Variants in KBTBD3 observed in about 807,000 individuals in gnomAD.
The protein encoded by KBTBD3 is kelch repeat and BTB domain-containing protein 3.
KBTBD3 carries 38 observed loss-of-function variants against 49.6 expected under a neutral mutation model. The ratio of observed to expected loss-of-function variants is 0.77; its 90% CI spans 0.59 to 1.00. KBTBD3 has a LOEUF of 1.00. KBTBD3 is among the 50% of genes least tolerant of loss of function. The pLI, the probability that KBTBD3 is intolerant of heterozygous loss-of-function variation, is 0.00. For missense variants in KBTBD3, 661 were observed against 712.0 expected, an observed-to-expected ratio of 0.93 and a Z score of 0.81; for synonymous variants, 214 against 250.4, an observed-to-expected ratio of 0.85 and a Z score of 1.37.
chr11:106,069,887 T>C (rs1007898771), intron 2 of KBTBD3, among the ~76,000 whole-genome samples: 2 of 152,038 alleles, frequency 1.3e-5, no homozygotes, highest in African/African-American at 4.8e-5. Flanking sequence ...ATCAATACTG[T>C]GTAATATTAG....
chr11:106,072,962 T>A (rs568901363), intron 2 of KBTBD3, among the ~76,000 whole-genome samples: 1 of 152,298 alleles, frequency 6.6e-6, no homozygotes, highest in South Asian at 2.1e-4. Context: ...TACATTTTTA[T>A]AAGTACTGTG....
intron 2 of KBTBD3, among the ~76,000 whole-genome samples, chr11:106,068,869 T>A (rs1178341542): frequency 6.6e-6 from 1 of 152,212 alleles, no homozygotes; most frequent in Non-Finnish European, 1.5e-5. Context: ...CTAAGTAAGT[T>A]TATCTAAGGA....
At chr11:106,064,624 CA>C (rs1311880181) in intron 2 of KBTBD3, among the ~76,000 whole-genome samples, 1 of 152,094 alleles carries the variant, frequency 6.6e-6, no homozygotes, top group East Asian at 1.9e-4. Flanking sequence ...GATAAACAGA[CA>C]ATATGATTGA....
chr11:106,068,294 A>G (rs879370790), intron 2 of KBTBD3, among the ~76,000 whole-genome samples: 1 of 152,194 alleles, frequency 6.6e-6, no homozygotes, highest in Non-Finnish European at 1.5e-5. Flanking sequence ...CAGACTACAT[A>G]TTCTTTCACC....
At chr11:106,071,196 G>A (rs1860911335) in intron 2 of KBTBD3, among the ~76,000 whole-genome samples, 1 of 152,034 alleles carries the variant, frequency 6.6e-6, no homozygotes, top group Admixed American at 6.6e-5. Context: ...TATTTAATTG[G>A]TATAAAATCA....
intron 3 of KBTBD3, among the ~76,000 whole-genome samples, chr11:106,056,962 G>C (rs1427699283): frequency 1.3e-5 from 2 of 151,998 alleles, no homozygotes. Context: ...GGGCCCCAGG[G>C]AAGTTCAAAG....
At position 106,054,120 on chromosome 11, in the gene KBTBD3, A is replaced by G. The variant is rs143750183; in HGVS notation, c.569T>C (p.Phe190Ser). Residue 190 changes from phenylalanine (F) to serine (S), a missense_variant, in exon 4 of 4, where the codon TTC (phenylalanine) becomes TCC (serine). By Grantham distance (155) the Phe-to-Ser change is radical. Transcript: ENST00000531837. ...HFSLLFKSSD[F>S]LEMNFGVLQK... is the part of the protein sequence containing the mutation. ...TAGTACTCCAAAATTCATCTCTAAG[A>G]AATCACTGGATTTAAATAATAAAGA... The G allele has an allele frequency of 1.9e-6, 3 of 1,613,232 alleles. No homozygotes were observed. Among genetic ancestry groups the G allele is most frequent in the African/African-American group, 2.7e-5 (2 of 74,932 alleles).
chr11:106,058,857 TA>T lies in KBTBD3; in HGVS notation c.233+7del. 6.6e-7 allele frequency: 1 copy of T among 1,505,674 alleles called. No homozygotes were observed. 93.3% of individuals were successfully genotyped at this position (1,505,674 alleles called of 1,614,324 possible). A position where few individuals can be genotyped will look rare whatever the true frequency, so the allele number is the denominator to read the frequency against. On this transcript the variant is annotated splice_region_variant and intron_variant, in intron 3 of 3. Transcript: ENST00000531837. ...CATAAAATCTGAGGCATAGACAAGG[TA>T]AAGTACCTGAAAAAGTCACTGCATG...
chr11:106,056,436 A>G (rs1021560198), intron 3 of KBTBD3, among the ~76,000 whole-genome samples: 4 of 152,236 alleles, frequency 2.6e-5, no homozygotes, highest in Admixed American at 6.5e-5. Flanking sequence ...AATAGCATCA[A>G]GAAGAGTGCA....
At chr11:106,070,389 TTA>T (rs1462023780) in intron 2 of KBTBD3, among the ~76,000 whole-genome samples, 1 of 151,834 alleles carries the variant, frequency 6.6e-6, no homozygotes, top group Non-Finnish European at 1.5e-5. Context: ...ATCTGAAAAC[TTA>T]CCAGTAAAAA....
intron 3 of KBTBD3, 42 bp from the exon 4 acceptor site, chr11:106,054,497 ATTCCATAATTATT>A: frequency 7.1e-7 from 1 of 1,407,864 alleles, no homozygotes; most frequent in South Asian, 1.8e-5. Flanking sequence ...AGAATATTTT[ATTCCATAATTATT>A]TTCAATATTA....
intron 2 of KBTBD3, among the ~76,000 whole-genome samples, chr11:106,065,535 A>G (rs915703732): frequency 1.3e-5 from 2 of 152,224 alleles, no homozygotes; most frequent in African/African-American, 4.8e-5. Flanking sequence ...TCAAGTATGA[A>G]GTTGTCACCT....
intron 3 of KBTBD3, among the ~76,000 whole-genome samples, chr11:106,055,815 G>A (rs916631360): frequency 6.6e-6 from 1 of 152,030 alleles, no homozygotes; most frequent in African/African-American, 2.4e-5. Context: ...GCTTTTATTG[G>A]TATCATTATT....
At chr11:106,074,119 C>G (rs1037463356) in intron 2 of KBTBD3, among the ~76,000 whole-genome samples, 57 of 88,814 alleles carry the variant, frequency 6.4e-4, no homozygotes, top group African/African-American at 1.5e-3. Flanking sequence ...AACACCCCCC[C>G]CCACACACAT....
intron 3 of KBTBD3, among the ~76,000 whole-genome samples, chr11:106,055,632 T>C (rs1416109903): frequency 6.6e-6 from 1 of 152,158 alleles, no homozygotes; most frequent in Non-Finnish European, 1.5e-5. Flanking sequence ...ATATGGTCCA[T>C]AGGGCCCAGC....
intron 2 of KBTBD3, among the ~76,000 whole-genome samples, chr11:106,062,737 G>A (rs1440471234): frequency 6.6e-6 from 1 of 152,208 alleles, no homozygotes; most frequent in African/African-American, 2.4e-5. Context: ...CAGAATGTCT[G>A]ACCAAATGTC....
intron 2 of KBTBD3, among the ~76,000 whole-genome samples, chr11:106,063,891 A>G (rs1231341420): frequency 2.0e-5 from 3 of 152,164 alleles, no homozygotes; most frequent in African/African-American, 4.8e-5. Context: ...AGATCCTAAC[A>G]CTGCACTCCA....
chr11:106,065,628 G>A (rs1479662713), intron 2 of KBTBD3, among the ~76,000 whole-genome samples: 2 of 152,080 alleles, frequency 1.3e-5, no homozygotes, highest in African/African-American at 2.4e-5. Flanking sequence ...GGAGTTAAGT[G>A]GAAATAATGG....
intron 2 of KBTBD3, among the ~76,000 whole-genome samples, chr11:106,064,555 A>ATAAATAAATAAATAAG (rs1303698872): frequency 6.6e-6 from 1 of 151,878 alleles, no homozygotes; most frequent in Non-Finnish European, 1.5e-5. Context: ...AAATAAATAA[A>ATAAATAAATAAATAAG]TAAATATAAA....
Sources: allele counts gnomAD v4.1 joint callset (sites outside exome capture counted in the v4.1 genomes callset), GRCh38; gene constraint gnomAD v4.1.1; transcripts MANE v1.5; gene names NCBI Gene and HGNC (gene_info 2026-07-23, HGNC 2026-07-21).